The following GMDS variants were observed in gnomAD, a reference collection of about 807,000 sequenced individuals.
The protein encoded by GMDS is GDP-mannose 4,6-dehydratase.
A neutral mutation model predicts 49.9 loss-of-function variants in GMDS; 20 were observed. That is an observed-to-expected ratio of 0.40 (90% confidence interval 0.28 to 0.58). GMDS has a LOEUF of 0.58. Among genes scored for constraint, GMDS ranks in the 20% least tolerant of loss-of-function variants. GMDS has a pLI of 0.42. For synonymous variants in GMDS, 177 were observed against 178.6 expected (o/e 0.99, Z 0.07); for missense variants, 362 against 481.4 (o/e 0.75, Z 2.32).
At chr6:1,995,700 C>G (rs908565552) in intron 4 of GMDS, among the ~76,000 whole-genome samples, 2 of 152,194 alleles carry the variant, frequency 1.3e-5, no homozygotes, top group African/African-American at 4.8e-5. Flanking sequence ...CCAAGACATT[C>G]CTGGTTACTT....
At chr6:2,130,642 A>G (rs1458553336) in intron 1 of GMDS, among the ~76,000 whole-genome samples, 1 of 152,208 alleles carries the variant, frequency 6.6e-6, no homozygotes, top group African/African-American at 2.4e-5. Flanking sequence ...AAGAGGCCAG[A>G]GGCTTTCAAT....
chr6:2,067,816 A>G (rs1304722022), intron 4 of GMDS, among the ~76,000 whole-genome samples: 2 of 152,226 alleles, frequency 1.3e-5, no homozygotes, highest in Admixed American at 6.5e-5. Flanking sequence ...ATGGATTCAC[A>G]GCCGAATTCT....
chr6:2,228,320 G>A (rs1053261936), intron 1 of GMDS, among the ~76,000 whole-genome samples: 5 of 152,086 alleles, frequency 3.3e-5, no homozygotes, highest in South Asian at 2.1e-4. Flanking sequence ...GGGCCTTCAC[G>A]TCCTCCTTTT....
chr6:1,973,468 TGGGGATTAAAAATCA>T (rs1469223356), intron 4 of GMDS, among the ~76,000 whole-genome samples: 1 of 152,144 alleles, frequency 6.6e-6, no homozygotes, highest in East Asian at 1.9e-4. Flanking sequence ...CCTGTACCCC[TGGGGATTAAAAATCA>T]GGGGATTAAA....
chr6:2,168,476 G>A (rs534183529), intron 1 of GMDS, among the ~76,000 whole-genome samples: 5 of 152,300 alleles, frequency 3.3e-5, no homozygotes, highest in African/African-American at 9.6e-5. Flanking sequence ...AATGTCAGAT[G>A]GCAGCCTTTA....
chr6:1,858,862 T>A (rs961185250), intron 7 of GMDS, among the ~76,000 whole-genome samples: 1 of 152,230 alleles, frequency 6.6e-6, no homozygotes, highest in Admixed American at 6.5e-5. Context: ...TTACAATCTA[T>A]TCAACTTTAA....
At chr6:2,115,506 T>C (rs946752212) in intron 4 of GMDS, among the ~76,000 whole-genome samples, 6 of 152,210 alleles carry the variant, frequency 3.9e-5, no homozygotes, top group African/African-American at 7.2e-5. Flanking sequence ...ATGGGCCTCA[T>C]GGCTACAGGG....
chr6:2,081,536 T>C (rs1772696554), intron 4 of GMDS, among the ~76,000 whole-genome samples: 1 of 152,030 alleles, frequency 6.6e-6, no homozygotes. Flanking sequence ...GAACTTACAT[T>C]ACCCAGTTCT....
At chr6:1,703,763 G>C (rs1001145705) in intron 9 of GMDS, among the ~76,000 whole-genome samples, 3 of 152,240 alleles carry the variant, frequency 2.0e-5, no homozygotes, top group African/African-American at 7.2e-5. Flanking sequence ...CATGGCACAG[G>C]CTTGGTTCGC....
intron 4 of GMDS, among the ~76,000 whole-genome samples, chr6:1,996,779 T>A (rs1466397802): frequency 6.6e-6 from 1 of 152,106 alleles, no homozygotes; most frequent in African/African-American, 2.4e-5. Context: ...CACCTAGGTA[T>A]AAGGGGAGCT....
chr6:1,977,718 G>A (rs760503871), intron 4 of GMDS, among the ~76,000 whole-genome samples: 3 of 152,160 alleles, frequency 2.0e-5, no homozygotes, highest in Non-Finnish European at 2.9e-5. Flanking sequence ...GTGACACTGG[G>A]AAAGCATGCT....
chr6:2,148,877 A>G (rs1776704632), intron 1 of GMDS, among the ~76,000 whole-genome samples: 1 of 152,206 alleles, frequency 6.6e-6, no homozygotes, highest in Non-Finnish European at 1.5e-5. Context: ...ATGCAGCAAT[A>G]CGGTAGAACA....
intron 4 of GMDS, among the ~76,000 whole-genome samples, chr6:1,976,818 T>C (rs1297828560): frequency 6.6e-6 from 1 of 152,220 alleles, no homozygotes; most frequent in African/African-American, 2.4e-5. Flanking sequence ...GTTTTCAACT[T>C]TTTCATATTT....
chr6:1,927,426 C>T (rs1283477582), intron 7 of GMDS, among the ~76,000 whole-genome samples: 1 of 152,176 alleles, frequency 6.6e-6, no homozygotes, highest in East Asian at 1.9e-4. Flanking sequence ...TGTTTTTACT[C>T]AGAGGGTAGC....
chr6:1,757,814 C>T (rs1278506430), intron 7 of GMDS, among the ~76,000 whole-genome samples: 1 of 152,122 alleles, frequency 6.6e-6, no homozygotes, highest in African/African-American at 2.4e-5. Flanking sequence ...TAATGTGAGC[C>T]ACACGTAATA....
chr6:2,131,298 A>T (rs898374418), intron 1 of GMDS, among the ~76,000 whole-genome samples: 1 of 152,226 alleles, frequency 6.6e-6, no homozygotes, highest in African/African-American at 2.4e-5. Context: ...TAAAGGGTTT[A>T]AAACAAGCAG....
At chr6:1,947,252 T>C (rs563678504) in intron 6 of GMDS, among the ~76,000 whole-genome samples, 1 of 152,342 alleles carries the variant, frequency 6.6e-6, no homozygotes, top group South Asian at 2.1e-4. Flanking sequence ...GGGGATATGC[T>C]GGTACTAAGG....
intron 1 of GMDS, among the ~76,000 whole-genome samples, chr6:2,172,265 A>G (rs911656698): frequency 6.6e-6 from 1 of 152,198 alleles, no homozygotes; most frequent in Non-Finnish European, 1.5e-5. Flanking sequence ...CAAGAAGATA[A>G]AAATAAAAGG....
chr6:1,774,237 G>T (rs1386916661), intron 7 of GMDS, among the ~76,000 whole-genome samples: 1 of 152,180 alleles, frequency 6.6e-6, no homozygotes, highest in Non-Finnish European at 1.5e-5. Context: ...TATATTATCT[G>T]GTGTGGAGAG....
Sources: gnomAD v4.1 joint callset for allele counts (sites outside exome capture counted in the v4.1 genomes callset) on GRCh38, gnomAD v4.1.1 for gene constraint, MANE v1.5 for transcripts, NCBI Gene and HGNC (gene_info 2026-07-23, HGNC 2026-07-21) for gene names.